TRPC1: variants seen among roughly 807,000 people sequenced by gnomAD.
TRPC1 encodes the protein transient receptor potential cation channel subfamily C member 1, also known as short transient receptor potential channel 1.
A neutral mutation model predicts 88.2 loss-of-function variants in TRPC1; 42 were observed. That is an observed-to-expected ratio of 0.48 (90% CI 0.37 to 0.62). The LOEUF (loss-of-function observed/expected upper bound fraction) is 0.62. TRPC1 is among the 20% of genes least tolerant of loss of function. TRPC1 has a pLI of 0.00. For synonymous variants in TRPC1, 288 were observed against 331.8 expected, an observed-to-expected ratio of 0.87 and a Z score of 1.43; for missense variants, 699 against 957.3, an observed-to-expected ratio of 0.73 and a Z score of 3.56.
intron 1 of TRPC1, among the ~76,000 whole-genome samples, chr3:142,733,085 A>G (rs930840351): frequency 1.3e-5 from 2 of 151,792 alleles, no homozygotes; most frequent in African/African-American, 2.4e-5. Context: ...GTGATTTTTC[A>G]TTTGCATGAC....
At chr3:142,795,698 G>A (rs1284733328) in intron 9 of TRPC1, among the ~76,000 whole-genome samples, 2 of 152,018 alleles carry the variant, frequency 1.3e-5, no homozygotes, top group Non-Finnish European at 2.9e-5. Flanking sequence ...CTGGACACCA[G>A]CACTACAAGG....
chr3:142,798,906 A>G (rs181649920), intron 9 of TRPC1, among the ~76,000 whole-genome samples: 14 of 152,212 alleles, frequency 9.2e-5, no homozygotes, highest in Non-Finnish European at 1.3e-4. Context: ...CTTATCAGAG[A>G]TTTAGGTTGT....
chr3:142,726,109 C>G (rs922481886), intron 1 of TRPC1, among the ~76,000 whole-genome samples: 3 of 152,060 alleles, frequency 2.0e-5, no homozygotes, highest in Non-Finnish European at 4.4e-5. Flanking sequence ...GAGTGGGTTG[C>G]CTGAGTTCTC....
Position 142,807,677 on chromosome 3 carries a change from A to AAAG in TRPC1, c.*1443_*1445dup, listed in dbSNP as rs1396578781. 2 of 152,184 alleles carry AAAG rather than the reference A, an allele frequency of 1.3e-5. No homozygotes were observed. The highest frequency in any genetic ancestry group is 2.4e-5 in the African/African-American group (1 of 41,448). 9.4% of individuals were successfully genotyped at this position (152,184 alleles called of 1,614,324 possible). A position where few individuals can be genotyped will look rare whatever the true frequency, so the allele number is the denominator to read the frequency against. ...AAATTCTTATAAAAATGTTTATTGTAAAGTTATATATTTTGTCTACGATGG... is the reference window on the plus strand; with the variant it reads ...AAATTCTTATAAAAATGTTTATTGTAAAGAAGTTATATATTTTGTCTACGATGG... On this transcript the variant is annotated 3_prime_UTR_variant, in exon 13 of 13. Coordinates refer to ENST00000476941, the MANE Select transcript of TRPC1 (RefSeq NM_001251845.2).
In TRPC1 at chr3:142,750,998, A is replaced by G. The variant is rs190678930; in HGVS notation, c.632+2538A>G. ...GCTTATAGAATAAAGATATGAAGAA[A>G]TAATATTTTGTACAGCTGTATGTGT... On this transcript the variant is annotated intron_variant, in intron 4 of 12. Transcript: ENST00000476941. Among the ~76,000 whole-genome samples the G allele has an allele frequency of 3.9e-5, 6 of 152,300 alleles. No homozygotes were observed. In the East Asian group the frequency reaches 9.6e-4, roughly 24 times the overall value.
intron 4 of TRPC1, among the ~76,000 whole-genome samples, chr3:142,763,983 T>TATATATACAC (rs1441314374): frequency 6.7e-5 from 5 of 74,326 alleles, no homozygotes; most frequent in East Asian, 6.0e-4. Context: ...TATATATATA[T>TATATATACAC]ACACATACAT....
chr3:142,806,074 C>T lies in TRPC1; in HGVS notation c.2221C>T (p.Arg741Cys), dbSNP rs538677775. The change falls in exon 13 of 13, where the codon CGT (arginine) becomes TGT (cysteine). Residue 741 changes from arginine to cysteine, a missense_variant. Physicochemically the swap from Arg to Cys is radical, Grantham distance 180. This residue lies in a region of TRPC1 where 105 missense variants were observed against 141.7 expected (regional missense o/e 0.74). Transcript: ENST00000476941. Reference protein sequence around the residue: ...YQKVMCCLVHRYLTSMRQKMQ... With the variant: ...YQKVMCCLVHCYLTSMRQKMQ... ...AAAAGTGATGTGCTGCCTAGTGCAT[C>T]GTTACTTGACTTCCATGAGACAGAA... 3 of 1,613,892 alleles carry T rather than the reference C, an allele frequency of 1.9e-6. No homozygotes were observed. The highest frequency in any genetic ancestry group is 1.7e-6 in the Non-Finnish European group (2 of 1,179,886).
In TRPC1 at chr3:142,767,598, T is replaced by C. The variant is rs1935438838; in HGVS notation, c.633-10034T>C. Among the ~76,000 whole-genome samples the C allele has an allele frequency of 6.7e-6, 1 of 148,208 alleles. No homozygotes were observed. Among genetic ancestry groups the C allele is most frequent in the Admixed American group, 6.8e-5 (1 of 14,796 alleles). ...TATATATAAATATATTATATATAAA[T>C]AAATTATATATCTTTATATATCATA... On this transcript the variant is annotated intron_variant, in intron 4 of 12. Transcript: ENST00000476941. The surrounding 1 kb of genome is among the most constrained non-coding windows in gnomAD (Gnocchi z 5.1).
intron 1 of TRPC1, among the ~76,000 whole-genome samples, chr3:142,730,175 T>C (rs1300670342): frequency 6.6e-6 from 1 of 152,144 alleles, no homozygotes; most frequent in Non-Finnish European, 1.5e-5. Context: ...GGATCTCATG[T>C]CATTTATCAG....
chr3:142,729,042 T>A (rs1399770832), intron 1 of TRPC1, among the ~76,000 whole-genome samples: 2 of 152,216 alleles, frequency 1.3e-5, no homozygotes, highest in Non-Finnish European at 1.5e-5. Flanking sequence ...TTATGTACTT[T>A]ATATAGGAAA....
chr3:142,730,425 T>C lies in TRPC1; in HGVS notation c.172+5694T>C, dbSNP rs1933852304. On this transcript the variant is annotated intron_variant, in intron 1 of 12. Transcript: ENST00000476941. ...TAAGAAATTATGGTAATAATTGTCTTTTTACAAAAATGTTCAAAGTGTTAT... is the reference window on the plus strand; with the variant it reads ...TAAGAAATTATGGTAATAATTGTCTCTTTACAAAAATGTTCAAAGTGTTAT... Among the ~76,000 whole-genome samples, 3 of 152,236 alleles carry C rather than the reference T, an allele frequency of 2.0e-5. No individual in the cohort carries two copies. The South Asian group carries it at 6.2e-4, about 32-fold the overall frequency.
intron 9 of TRPC1, among the ~76,000 whole-genome samples, chr3:142,797,333 C>G (rs1192228757): frequency 6.6e-6 from 1 of 151,962 alleles, no homozygotes; most frequent in Admixed American, 6.6e-5. Context: ...TCTGCCGTAT[C>G]ATGTGATTCT....
At chr3:142,745,296 G>C (rs1311284965) in intron 3 of TRPC1, among the ~76,000 whole-genome samples, 3 of 152,198 alleles carry the variant, frequency 2.0e-5, no homozygotes, top group Non-Finnish European at 4.4e-5. Context: ...GTGGGGTGTA[G>C]TGTGCTTGAG....
At chr3:142,800,606 C>T (rs73232716) in intron 9 of TRPC1, among the ~76,000 whole-genome samples, 16,209 of 152,016 alleles carry the variant, frequency 0.11, 1,034 homozygotes, top group Non-Finnish European at 0.15. Context: ...TGTTTCAAAA[C>T]ACTCAATTTT....
intron 4 of TRPC1, among the ~76,000 whole-genome samples, chr3:142,774,372 C>G (rs1482703836): frequency 6.6e-6 from 1 of 152,208 alleles, no homozygotes; most frequent in Non-Finnish European, 1.5e-5. Flanking sequence ...TGGTCCACTG[C>G]TTGCCTCAAC....
At chr3:142,786,183 C>T (rs185788994) in intron 7 of TRPC1, among the ~76,000 whole-genome samples, 7 of 152,074 alleles carry the variant, frequency 4.6e-5, no homozygotes, top group East Asian at 1.9e-4. Flanking sequence ...CCCATCTGTC[C>T]GTCTACTATT....
rs1159520441 is a variant in TRPC1, at chr3:142,763,959, AATATATATAT to A, written c.633-13657_633-13648del. On this transcript the variant is annotated intron_variant, in intron 4 of 12. Transcript: ENST00000476941. ...GCGAGACTCCGTCTCAAAAAAAAGA[AATATATATAT>A]ATATATATATATATACACATACATA... Among the ~76,000 whole-genome samples the A allele has an allele frequency of 2.5e-4, 19 of 76,316 alleles. 1 individual carries two copies. Among genetic ancestry groups the A allele is most frequent in the African/African-American group, 7.8e-4 (12 of 15,290 alleles). 50.1% of individuals were successfully genotyped at this position (76,316 alleles called of 152,430 possible).
chr3:142,724,475 TG>T lies in TRPC1; in HGVS notation c.-81del. On this transcript the variant is annotated 5_prime_UTR_variant, in exon 1 of 13. Transcript: ENST00000476941. The surrounding 1 kb of genome is among the most constrained non-coding windows in gnomAD (Gnocchi z 5.6). ...GAACGACTCATCCTTTTTCCAGCCC[TG>T]GGGCGTGGCTGGGGTCGGGGTCGGG... The T allele has an allele frequency of 7.5e-7, 1 of 1,332,286 alleles. No individual in the cohort carries two copies. Among genetic ancestry groups the T allele is most frequent in the Non-Finnish European group, 9.8e-7 (1 of 1,015,492 alleles). 82.5% of individuals were successfully genotyped at this position (1,332,286 alleles called of 1,614,324 possible). A position where few individuals can be genotyped will look rare whatever the true frequency, so the allele number is the denominator to read the frequency against.
At chr3:142,743,325 G>A (rs903450272) in intron 2 of TRPC1, among the ~76,000 whole-genome samples, 160 bp from the exon 3 acceptor site, 1 of 152,032 alleles carries the variant, frequency 6.6e-6, no homozygotes, top group Non-Finnish European at 1.5e-5. Flanking sequence ...CCTAAGGCAA[G>A]CAAATGTACT....
Sources: gnomAD v4.1 joint callset for allele counts (sites outside exome capture counted in the v4.1 genomes callset) on GRCh38, gnomAD v4.1.1 for gene constraint, gnomAD v4.1.1 regional missense constraint, Gnocchi (gnomAD v3.1) non-coding constraint, MANE v1.5 for transcripts, NCBI Gene and HGNC (gene_info 2026-07-23, HGNC 2026-07-21) for gene names.